TMEM132B: variants seen among roughly 807,000 people sequenced by gnomAD.
TMEM132B encodes the protein transmembrane protein 132B.
TMEM132B carries 18 observed loss-of-function variants against 90.8 expected under a neutral mutation model. That is an observed-to-expected ratio of 0.20 (90% CI 0.14 to 0.29). The LOEUF is 0.29. Among genes scored for constraint, TMEM132B ranks in the 10% least tolerant of loss-of-function variants. The probability of loss-of-function intolerance (pLI) is 1.00; values close to 1 mark genes in which losing one functional copy is unlikely to be tolerated. For synonymous variants in TMEM132B, 504 were observed against 523.3 expected (o/e 0.96, Z 0.50); for missense variants, 1,096 against 1,326.8 (o/e 0.83, Z 2.70).
chr12:125,318,818 G>T (rs558274586), intron 1 of TMEM132B, among the ~76,000 whole-genome samples: 1 of 152,186 alleles, frequency 6.6e-6, no homozygotes, highest in African/African-American at 2.4e-5. Flanking sequence ...TAACTTGGAT[G>T]GTTGGTCCAG....
intron 6 of TMEM132B, among the ~76,000 whole-genome samples, chr12:125,645,061 C>CAA (rs148179158): frequency 6.0e-5 from 9 of 150,640 alleles, no homozygotes; most frequent in African/African-American, 9.8e-5. Flanking sequence ...ACTAAAAATC[C>CAA]AAAAAAAATA....
At chr12:125,638,504 G>A (rs1886544897) in intron 5 of TMEM132B, among the ~76,000 whole-genome samples, 2 of 152,192 alleles carry the variant, frequency 1.3e-5, no homozygotes, top group South Asian at 2.1e-4. Flanking sequence ...AATATCTAAG[G>A]TTTTTCTCTA....
At chr12:125,206,302 A>G (rs1440070430) in intron 1 of TMEM132B, among the ~76,000 whole-genome samples, 1 of 152,030 alleles carries the variant, frequency 6.6e-6, no homozygotes, top group African/African-American at 2.4e-5. Context: ...GCAGTGGTGC[A>G]ATCTCAGCTC....
chr12:125,653,072 A>G (rs1222539692), intron 8 of TMEM132B, among the ~76,000 whole-genome samples: 1 of 152,202 alleles, frequency 6.6e-6, no homozygotes, highest in Non-Finnish European at 1.5e-5. Context: ...ACTTCTATAA[A>G]TTATTTCTAA....
intron 2 of TMEM132B, among the ~76,000 whole-genome samples, chr12:125,351,525 G>A (rs1424940393): frequency 6.6e-6 from 1 of 152,100 alleles, no homozygotes; most frequent in Non-Finnish European, 1.5e-5. Context: ...GACAACATAA[G>A]TATATTAAAA....
chr12:125,552,740 A>C (rs1203431192), intron 4 of TMEM132B, among the ~76,000 whole-genome samples: 1 of 152,250 alleles, frequency 6.6e-6, no homozygotes, highest in Non-Finnish European at 1.5e-5. Context: ...AACTTTCTAC[A>C]TCTGTAGCTT....
chr12:125,435,388 G>A (rs1488851420), intron 3 of TMEM132B, among the ~76,000 whole-genome samples: 1 of 152,106 alleles, frequency 6.6e-6, no homozygotes, highest in Non-Finnish European at 1.5e-5. Context: ...AAGGGGTGGA[G>A]CCCTCAGACC....
chr12:125,563,346 C>T (rs1196438535), intron 4 of TMEM132B, among the ~76,000 whole-genome samples: 8 of 152,132 alleles, frequency 5.3e-5, no homozygotes, highest in South Asian at 2.1e-4. Context: ...CGGTGGCTCA[C>T]GCCTGTAATC....
chr12:125,626,500 A>C (rs11058273), intron 5 of TMEM132B, among the ~76,000 whole-genome samples: 54,932 of 151,784 alleles, frequency 0.36, 10,426 homozygotes, highest in African/African-American at 0.46. Context: ...GTAGTTAGCA[A>C]TTATCTTAAG....
intron 3 of TMEM132B, among the ~76,000 whole-genome samples, chr12:125,506,520 T>A (rs1313694831): frequency 1.3e-5 from 2 of 152,204 alleles, no homozygotes; most frequent in African/African-American, 2.4e-5. Context: ...ATGTAAATTA[T>A]AGTTGTTTTT....
intron 2 of TMEM132B, among the ~76,000 whole-genome samples, chr12:125,413,219 C>T (rs1409512052): frequency 1.3e-5 from 2 of 152,044 alleles, no homozygotes; most frequent in Non-Finnish European, 2.9e-5. Context: ...GGCTGCCTTC[C>T]TTGGGTCTTA....
At chr12:125,395,760 C>T (rs982382771) in intron 2 of TMEM132B, among the ~76,000 whole-genome samples, 3 of 152,202 alleles carry the variant, frequency 2.0e-5, no homozygotes, top group Admixed American at 6.5e-5. Context: ...AAGAGAGTCT[C>T]AGGTCTGGCT....
At chr12:125,542,698 T>C (rs1288520332) in intron 4 of TMEM132B, among the ~76,000 whole-genome samples, 2 of 152,246 alleles carry the variant, frequency 1.3e-5, no homozygotes, top group Non-Finnish European at 2.9e-5. Flanking sequence ...CCATTATATG[T>C]GAGTAGACCA....
At chr12:125,504,991 C>T (rs1882793406) in intron 3 of TMEM132B, among the ~76,000 whole-genome samples, 1 of 151,904 alleles carries the variant, frequency 6.6e-6, no homozygotes, top group Non-Finnish European at 1.5e-5. Flanking sequence ...ATTATGAAGA[C>T]TCCAGGAAGC....
At chr12:125,297,546 G>A (rs1875701946) in intron 1 of TMEM132B, among the ~76,000 whole-genome samples, 1 of 152,234 alleles carries the variant, frequency 6.6e-6, no homozygotes, top group Non-Finnish European at 1.5e-5. Context: ...CATTTATTGA[G>A]CACCTACGAT....
chr12:125,198,222 T>A (rs948178561), intron 1 of TMEM132B, among the ~76,000 whole-genome samples: 1 of 152,260 alleles, frequency 6.6e-6, no homozygotes, highest in Non-Finnish European at 1.5e-5. Context: ...GGTATGTCAC[T>A]ATTTTAGTCT....
intron 3 of TMEM132B, among the ~76,000 whole-genome samples, chr12:125,453,430 G>A (rs979266761): frequency 6.6e-6 from 1 of 152,064 alleles, no homozygotes; most frequent in Admixed American, 6.6e-5. Context: ...TACTTTTGTC[G>A]ACCTCAAAGC....
At chr12:125,566,808 C>T (rs538103058) in intron 4 of TMEM132B, among the ~76,000 whole-genome samples, 7 of 148,518 alleles carry the variant, frequency 4.7e-5, no homozygotes, top group Admixed American at 1.3e-4. Context: ...CCTCCTCCTT[C>T]TCCTCCTTCT....
At chr12:125,365,011 T>C (rs745755898) in intron 2 of TMEM132B, among the ~76,000 whole-genome samples, 6 of 152,032 alleles carry the variant, frequency 3.9e-5, no homozygotes, top group Non-Finnish European at 7.4e-5. Flanking sequence ...TGTAATTTCA[T>C]TAATGTGCTA....
Sources: allele counts gnomAD v4.1 joint callset (sites outside exome capture counted in the v4.1 genomes callset), GRCh38; gene constraint gnomAD v4.1.1; transcripts MANE v1.5; gene names NCBI Gene and HGNC (gene_info 2026-07-23, HGNC 2026-07-21).